The following CASS4 variants were observed in gnomAD, a reference collection of about 807,000 sequenced individuals.
CASS4 encodes Cas scaffold protein family member 4, also known as cas scaffolding protein family member 4.
CASS4 carries 22 observed loss-of-function variants against 54.2 expected under a neutral mutation model. The observed-to-expected ratio is 0.41, with a 90% CI of 0.29 to 0.58. The LOEUF (loss-of-function observed/expected upper bound fraction) is 0.58, where lower values mean the gene tolerates loss of function less well. CASS4 is among the 20% of genes least tolerant of loss of function. CASS4 has a pLI of 0.36. For missense variants in CASS4, 854 were observed against 986.7 expected, an observed-to-expected ratio of 0.87 and a Z score of 1.80; for synonymous variants, 409 against 391.5, an observed-to-expected ratio of 1.04 and a Z score of -0.53.
At position 56,458,755 on chromosome 20, in the gene CASS4, C is replaced by T. The variant is rs567507715; in HGVS notation, c.*8C>T. 4.4e-6 allele frequency: 7 copies of T among 1,584,296 alleles called. No homozygotes were observed. In the East Asian group the frequency reaches 9.1e-5, roughly 21 times the overall value. ...AGAGGGACACTGGGATGAGGACTGT[C>T]TACCTCCCTTCCTCCTCTGCTCACC... On this transcript the variant is annotated 3_prime_UTR_variant, in exon 6 of 6. Transcript: ENST00000679887.
intron 5 of CASS4, among the ~76,000 whole-genome samples, chr20:56,456,535 G>A (rs370232426): frequency 3.3e-5 from 5 of 151,686 alleles, no homozygotes; most frequent in African/African-American, 9.7e-5. Context: ...CACCACACCC[G>A]GCTAATTTTT....
intron 1 of CASS4, among the ~76,000 whole-genome samples, chr20:56,424,668 G>A (rs1033107404): frequency 2.7e-5 from 4 of 150,834 alleles, no homozygotes; most frequent in Non-Finnish European, 5.9e-5. Flanking sequence ...TTGATCCCAG[G>A]TGGCAGAGGT....
intron 3 of CASS4, among the ~76,000 whole-genome samples, chr20:56,448,098 C>T (rs1033200421): frequency 2.7e-5 from 4 of 150,228 alleles, no homozygotes; most frequent in Non-Finnish European, 3.0e-5. Flanking sequence ...GCAGAGATCG[C>T]GCCACTGCAC....
At chr20:56,436,372 ATG>A (rs1555805174) in intron 1 of CASS4, among the ~76,000 whole-genome samples, 1 of 141,352 alleles carries the variant, frequency 7.1e-6, no homozygotes, top group African/African-American at 2.6e-5. Context: ...ATATATATAT[ATG>A]TATATATATA....
At position 56,458,757 on chromosome 20, in the gene CASS4, AC is replaced by A. The variant is rs1426432340; in HGVS notation, c.*12del. 3.2e-6 allele frequency: 5 copies of A among 1,580,240 alleles called. No homozygotes were observed. In the African/African-American group the frequency reaches 4.0e-5, roughly 13 times the overall value. On this transcript the variant is annotated 3_prime_UTR_variant, in exon 6 of 6. Coordinates refer to ENST00000679887, the MANE Select transcript of CASS4 (RefSeq NM_020356.4). The stretch of plus-strand genomic sequence containing the variant: ...AGGGACACTGGGATGAGGACTGTCT[AC>A]CTCCCTTCCTCCTCTGCTCACCTCT...
intron 1 of CASS4, among the ~76,000 whole-genome samples, chr20:56,422,223 TG>T (rs1239799866): frequency 6.6e-6 from 1 of 152,238 alleles, no homozygotes; most frequent in Non-Finnish European, 1.5e-5. Context: ...AGGCTGTGAA[TG>T]AACACACTAC....
rs1260961287 is a variant in CASS4 at position 56,453,132 on chromosome 20, G to A, written c.1953+3G>A. 1.2e-6 allele frequency: 2 copies of A among 1,604,542 alleles called. No individual in the cohort carries two copies. The highest frequency in any genetic ancestry group is 2.2e-5 in the South Asian group (2 of 90,474). Reference sequence around the variant, plus strand: ...ATAGGGCAAATATCTGTGGACAGGTGAGTTCAGAGTTCCAAGTGATCGAAA... The same window carrying A: ...ATAGGGCAAATATCTGTGGACAGGTAAGTTCAGAGTTCCAAGTGATCGAAA... On this transcript the variant is annotated splice_donor_region_variant and intron_variant, in intron 5 of 5. Coordinates refer to ENST00000679887, the MANE Select transcript of CASS4 (RefSeq NM_020356.4).
intron 4 of CASS4, among the ~76,000 whole-genome samples, chr20:56,451,072 G>A (rs1451079275): frequency 6.6e-6 from 1 of 150,884 alleles, no homozygotes; most frequent in Non-Finnish European, 1.5e-5. Context: ...TCAAAAATTA[G>A]AATGCAAATT....
chr20:56,449,774 T>C (rs1980904113), intron 3 of CASS4, among the ~76,000 whole-genome samples: 1 of 152,144 alleles, frequency 6.6e-6, no homozygotes, highest in Non-Finnish European at 1.5e-5. Flanking sequence ...CCTGTTTTTA[T>C]TGCTGTCGTG....
chr20:56,426,092 C>G (rs1005388823), intron 1 of CASS4, among the ~76,000 whole-genome samples: 5 of 152,194 alleles, frequency 3.3e-5, no homozygotes, highest in Non-Finnish European at 5.9e-5. Flanking sequence ...CTTGTATCTG[C>G]TAAGATGTCC....
At position 56,453,040 on chromosome 20, in the gene CASS4, C is replaced by T. The variant is rs1364514405; in HGVS notation, c.1864C>T (p.His622Tyr). Residue 622 changes from histidine (H) to tyrosine (Y), a missense_variant, in exon 5 of 6, where the codon CAC (histidine) becomes TAC (tyrosine). Coordinates refer to ENST00000679887, the MANE Select transcript of CASS4 (RefSeq NM_020356.4). ...GCCTCCCCAAAGAGAAACTGAATCA[C>T]ACCAAAAGAGTACCCCTTCCACTAA... is the stretch of plus-strand genomic sequence containing the variant. ...IQPPQRETESHQKSTPSTKQR... is the reference protein window; with the variant it reads ...IQPPQRETESYQKSTPSTKQR... The T allele has an allele frequency of 6.2e-7, 1 of 1,613,986 alleles. No homozygotes were observed. Among genetic ancestry groups the T allele is most frequent in the African/African-American group, 1.3e-5 (1 of 74,908 alleles).
rs1980274212 is a variant in CASS4 at position 56,437,947 on chromosome 20, G to C, written c.459+361G>C. Among the ~76,000 whole-genome samples the C allele has an allele frequency of 6.6e-6, 1 of 152,126 alleles. No individual in the cohort carries two copies. The highest frequency in any genetic ancestry group is 6.5e-5 in the Admixed American group (1 of 15,276). On this transcript the variant is annotated intron_variant, in intron 2 of 5. Transcript: ENST00000679887. This position sits in a 1 kb window ranked among gnomAD's most constrained non-coding sequence, Gnocchi z 4.7. ...CTGCCAGTGACAAATGGGAGGGTGGGGTTTCCATGGGTTCAGAGGCAAGAA... is the reference window on the plus strand; with the variant it reads ...CTGCCAGTGACAAATGGGAGGGTGGCGTTTCCATGGGTTCAGAGGCAAGAA...
intron 1 of CASS4, among the ~76,000 whole-genome samples, chr20:56,416,528 CGTGT>C (rs3219626): frequency 0.14 from 20,927 of 149,042 alleles, 1,889 homozygotes; most frequent in African/African-American, 0.25. Flanking sequence ...TGTTTACTTC[CGTGT>C]GTGTGTGTGT....
intron 5 of CASS4, among the ~76,000 whole-genome samples, chr20:56,455,793 T>C (rs1249414902): frequency 6.6e-6 from 1 of 152,070 alleles, no homozygotes; most frequent in Admixed American, 6.5e-5. Flanking sequence ...TAGCTGGGCA[T>C]GATAGCGGGC....
chr20:56,413,566 G>A (rs529307019), intron 1 of CASS4, among the ~76,000 whole-genome samples: 50 of 151,560 alleles, frequency 3.3e-4, no homozygotes, highest in Non-Finnish European at 6.5e-4. Context: ...CCAGCTACTC[G>A]GGAGGCTGAG....
At chr20:56,456,396 C>G (rs923712656) in intron 5 of CASS4, among the ~76,000 whole-genome samples, 2 of 149,018 alleles carry the variant, frequency 1.3e-5, no homozygotes, top group East Asian at 2.0e-4. Context: ...TTTTTTGAGA[C>G]GAAGTCTTGC....
intron 1 of CASS4, among the ~76,000 whole-genome samples, chr20:56,421,187 T>C (rs933140999): frequency 6.6e-6 from 1 of 152,212 alleles, no homozygotes; most frequent in African/African-American, 2.4e-5. Context: ...GGATTTCAAG[T>C]GTGGTGCACA....
Position 56,459,103 on chromosome 20 carries a change from T to C in CASS4, c.*356T>C, listed in dbSNP as rs1600782814. 1.6e-5 allele frequency: 3 copies of C among 192,508 alleles called. No individual in the cohort carries two copies. The highest frequency in any genetic ancestry group is 3.3e-5 in the Non-Finnish European group (3 of 91,906). The allele number at this position is 192,508 out of a possible 1,614,324, so 11.9% of individuals were successfully genotyped here. Reference sequence around the variant, plus strand: ...TCTCACTCTGTCACACAGGCTGGAGTGCAGTGGCGCGATCTCAGCTCACTG... The same window carrying C: ...TCTCACTCTGTCACACAGGCTGGAGCGCAGTGGCGCGATCTCAGCTCACTG... On this transcript the variant is annotated 3_prime_UTR_variant, in exon 6 of 6. Transcript: ENST00000679887.
Position 56,459,415 on chromosome 20 carries a change from CAT to C in CASS4, c.*669_*670del, listed in dbSNP as rs1431340749. 3.9e-6 allele frequency: 1 copy of C among 257,762 alleles called. No individual in the cohort carries two copies. The highest frequency in any genetic ancestry group is 5.8e-5 in the South Asian group (1 of 17,140). 16.0% of individuals were successfully genotyped at this position (257,762 alleles called of 1,614,324 possible). ...GACAGCATAAATATGTGTGCCCTCTCATGTGCAATTCCTTATAGGGCTAGCTT... is the reference window on the plus strand; with the variant it reads ...GACAGCATAAATATGTGTGCCCTCTCGTGCAATTCCTTATAGGGCTAGCTT... On this transcript the variant is annotated 3_prime_UTR_variant, in exon 6 of 6. Transcript: ENST00000679887.
Sources: gnomAD v4.1 joint callset for allele counts (sites outside exome capture counted in the v4.1 genomes callset) on GRCh38, gnomAD v4.1.1 for gene constraint, Gnocchi (gnomAD v3.1) non-coding constraint, MANE v1.5 for transcripts, NCBI Gene and HGNC (gene_info 2026-07-23, HGNC 2026-07-21) for gene names.